USP47: variants seen among roughly 807,000 people sequenced by gnomAD.
USP47 encodes the protein ubiquitin specific peptidase 47, also known as ubiquitin carboxyl-terminal hydrolase 47.
USP47 carries 35 observed loss-of-function variants against 165.1 expected under a neutral mutation model. That is an observed-to-expected ratio of 0.21 (90% CI 0.16 to 0.28). The LOEUF (loss-of-function observed/expected upper bound fraction) is 0.28. Ranked by LOEUF, USP47 falls within the 10% of genes least tolerant of loss-of-function variation. USP47 has a pLI of 1.00. For missense variants in USP47, 1,277 were observed against 1,607.4 expected (o/e 0.79, Z 3.52); for synonymous variants, 531 against 544.5 (o/e 0.98, Z 0.35).
intron 24 of USP47, chr11:11,950,784 G>A (rs1266178719): frequency 1.7e-5 from 3 of 172,336 alleles, no homozygotes; most frequent in Non-Finnish European, 2.4e-5. Context: ...TGCCTTTTAA[G>A]TATTCTTTTT....
At chr11:11,933,658 G>A (rs777764817) in intron 15 of USP47, among the ~76,000 whole-genome samples, 173 bp from the exon 16 acceptor site, 6 of 152,016 alleles carry the variant, frequency 3.9e-5, no homozygotes, top group African/African-American at 1.2e-4. Context: ...TTTTTGTATG[G>A]TGTGAGACAT....
intron 14 of USP47, among the ~76,000 whole-genome samples, chr11:11,931,470 G>A (rs941230989): frequency 3.9e-5 from 6 of 152,154 alleles, no homozygotes; most frequent in Admixed American, 1.3e-4. Flanking sequence ...AAGAGCAGAA[G>A]TAATCATTTG....
intron 5 of USP47, among the ~76,000 whole-genome samples, chr11:11,899,252 A>G (rs971163481): frequency 6.6e-6 from 1 of 152,216 alleles, no homozygotes; most frequent in Non-Finnish European, 1.5e-5. Context: ...TTTAGGGAGT[A>G]TGCACAGGAA....
chr11:11,941,127 CTA>C (rs1855438630), intron 19 of USP47, among the ~76,000 whole-genome samples: 4 of 151,828 alleles, frequency 2.6e-5, no homozygotes, highest in Admixed American at 2.6e-4. Flanking sequence ...TTTTATCACT[CTA>C]GTCTCATTCA....
At chr11:11,943,585 A>C (rs1855630516) in intron 20 of USP47, 1 of 152,180 alleles carries the variant, frequency 6.6e-6, no homozygotes. Flanking sequence ...AAGCGCTCTT[A>C]AAATTTTTTC....
intron 4 of USP47, among the ~76,000 whole-genome samples, chr11:11,894,954 G>A (rs962781850): frequency 4.6e-5 from 7 of 152,070 alleles, no homozygotes; most frequent in African/African-American, 1.7e-4. Context: ...ATCATGAGTA[G>A]ATTTTTAATT....
chr11:11,953,765 G>A (rs890591897), intron 25 of USP47, among the ~76,000 whole-genome samples: 1 of 152,080 alleles, frequency 6.6e-6, no homozygotes, highest in Non-Finnish European at 1.5e-5. Context: ...AAAGAATAAC[G>A]TTATTTTTCA....
At chr11:11,851,060 G>GAC (rs1848698103) in intron 1 of USP47, among the ~76,000 whole-genome samples, 1 of 152,194 alleles carries the variant, frequency 6.6e-6, no homozygotes, top group Non-Finnish European at 1.5e-5. Flanking sequence ...GGGGTAAGGA[G>GAC]ACATAGGCAT....
At chr11:11,908,196 A>G (rs926460451) in intron 8 of USP47, among the ~76,000 whole-genome samples, 5 of 152,252 alleles carry the variant, frequency 3.3e-5, no homozygotes, top group Non-Finnish European at 7.3e-5. Context: ...TGTTTTGTTT[A>G]GTGTGCCACA....
chr11:11,908,350 G>C (rs1451192023), intron 8 of USP47, among the ~76,000 whole-genome samples: 2 of 151,668 alleles, frequency 1.3e-5, no homozygotes, highest in Admixed American at 6.6e-5. Context: ...TGTTGACCAG[G>C]CTGGTCTCAA....
chr11:11,903,323 A>T lies in USP47; in HGVS notation c.800A>T (p.Lys267Ile). Reference sequence around the variant, plus strand: ...GTCATGTTTGATGCTTTGGAACAGAAATGGAAGCAAACAGAACAGGTAATT... The same window carrying T: ...GTCATGTTTGATGCTTTGGAACAGATATGGAAGCAAACAGAACAGGTAATT... ...CRVMFDALEQKWKQTEQADLI... is the reference protein window; with the variant it reads ...CRVMFDALEQIWKQTEQADLI... The change falls in exon 7 of 28, where the codon AAA becomes ATA. Residue 267 changes from lysine (K) to isoleucine (I), a missense_variant. Transcript: ENST00000527733. 6.2e-7 allele frequency: 1 copy of T among 1,612,552 alleles called. No individual in the cohort carries two copies. Among genetic ancestry groups the T allele is most frequent in the Non-Finnish European group, 8.5e-7 (1 of 1,179,094 alleles).
rs139870228 is a variant in USP47 at position 11,891,009 on chromosome 11, TGAGGGA to T, written c.358-955_358-950del. ...GAACAACACACACTGGGGCATGTTG[TGAGGGA>T]GAGCATTAGGAAGAATAGCTAAGGG... On this transcript the variant is annotated intron_variant, in intron 3 of 27. Transcript: ENST00000527733. Among the ~76,000 whole-genome samples the T allele has an allele frequency of 5.1e-4, 78 of 152,024 alleles. No homozygotes were observed. The East Asian group carries it at 0.014, about 27-fold the overall frequency.
In USP47 at chr11:11,936,393, G is replaced by A. The variant is rs1346645142; in HGVS notation, c.1960G>A (p.Gly654Arg). ...FHDYLERSYE[G>R]EEDTPMGLLL... ...TGATTATCTAGAACGGTCATATGAA[G>A]GAGAAGAAGATACACCAATGGGGCT... The change falls in exon 17 of 28, where the codon GGA (glycine) becomes AGA (arginine). Residue 654 changes from glycine to arginine, a missense_variant. Coordinates refer to ENST00000527733, the MANE Select transcript of USP47 (RefSeq NM_001282659.2). The A allele has an allele frequency of 1.2e-6, 2 of 1,610,424 alleles. No homozygotes were observed. The highest frequency in any genetic ancestry group is 8.5e-7 in the Non-Finnish European group (1 of 1,177,706).
chr11:11,871,207 T>A (rs1346204148), intron 1 of USP47, among the ~76,000 whole-genome samples: 1 of 152,036 alleles, frequency 6.6e-6, no homozygotes, highest in Non-Finnish European at 1.5e-5. Flanking sequence ...ATTTTAAAAA[T>A]TCTGGTTGGT....
chr11:11,936,058 A>T (rs541153372), intron 16 of USP47, among the ~76,000 whole-genome samples: 28 of 151,844 alleles, frequency 1.8e-4, no homozygotes, highest in Non-Finnish European at 4.0e-4. Flanking sequence ...TTAAAAAATA[A>T]AAAATGTATT....
At chr11:11,885,627 T>G (rs376858575) in intron 3 of USP47, among the ~76,000 whole-genome samples, 50 of 152,162 alleles carry the variant, frequency 3.3e-4, no homozygotes, top group African/African-American at 1.1e-3. Context: ...GACACACATA[T>G]AGACCCCAGG....
rs568134104 is a variant in USP47, at chr11:11,866,536, G to T, written c.40-13641G>T. On this transcript the variant is annotated intron_variant, in intron 1 of 27. Transcript: ENST00000527733. ...ATGATTATGGTACTAGGTGAAGATG[G>T]CACTATGGTAGTTTAGTAGAAATCA... Among the ~76,000 whole-genome samples, 20 of 152,260 alleles carry T rather than the reference G, an allele frequency of 1.3e-4. No individual in the cohort carries two copies. The South Asian group carries it at 4.2e-3, about 32-fold the overall frequency.
chr11:11,892,276 A>G (rs959371221), intron 4 of USP47, among the ~76,000 whole-genome samples, 170 bp downstream of exon 4: 1 of 152,102 alleles, frequency 6.6e-6, no homozygotes, highest in Admixed American at 6.6e-5. Context: ...TTTTCCTTCA[A>G]CCCACTCGTT....
At position 11,891,999 on chromosome 11, in the gene USP47, A is replaced by G; in HGVS notation, c.389A>G (p.His130Arg). 1 of 1,613,874 alleles carries G rather than the reference A, an allele frequency of 6.2e-7. No individual in the cohort carries two copies. ...EDSSAGEDSV[H>R]DRFIGPLPRE... ...TCCAGTGCTGGGGAAGACAGTGTTC[A>G]TGACAGGTTTATAGGTCCGCTTCCA... is the stretch of plus-strand genomic sequence containing the variant. The change falls in exon 4 of 28, where the codon CAT becomes CGT. Residue 130 changes from histidine to arginine, a missense_variant. Transcript: ENST00000527733.
Sources: gnomAD v4.1 joint callset for allele counts (sites outside exome capture counted in the v4.1 genomes callset) on GRCh38, gnomAD v4.1.1 for gene constraint, MANE v1.5 for transcripts, NCBI Gene and HGNC (gene_info 2026-07-23, HGNC 2026-07-21) for gene names.